SLC25A46: variants seen among roughly 807,000 people sequenced by gnomAD.
SLC25A46 encodes mitochondrial outer membrane protein SLC25A46.
In SLC25A46, 39 loss-of-function variants were observed where a neutral mutation model predicts 44.6. The ratio of observed to expected loss-of-function variants is 0.87; its 90% CI spans 0.68 to 1.14. The LOEUF is 1.14. Among genes scored for constraint, SLC25A46 ranks in the 50% most tolerant of loss-of-function variants. The pLI, the probability that SLC25A46 is intolerant of heterozygous loss-of-function variation, is 0.00. For synonymous variants in SLC25A46, 202 were observed against 185.8 expected (o/e 1.09, Z -0.71); for missense variants, 547 against 522.7 (o/e 1.05, Z -0.45).
intron 5 of SLC25A46, chr5:110,754,074 T>A (rs1800040845): frequency 6.6e-6 from 1 of 152,176 alleles, no homozygotes; most frequent in African/African-American, 2.4e-5. Flanking sequence ...CTAATAGTAA[T>A]TTAATCAGAG....
At chr5:110,751,706 T>C (rs571701077) in intron 5 of SLC25A46, among the ~76,000 whole-genome samples, 13 of 152,266 alleles carry the variant, frequency 8.5e-5, no homozygotes, top group Non-Finnish European at 1.8e-4. Context: ...TAAGAAAAGA[T>C]AGTGGCTAAG....
intron 1 of SLC25A46, among the ~76,000 whole-genome samples, chr5:110,740,756 C>T (rs1799656005): frequency 6.6e-6 from 1 of 151,978 alleles, no homozygotes; most frequent in Non-Finnish European, 1.5e-5. Flanking sequence ...TCGAGACCAT[C>T]CTGGCTAACA....
chr5:110,746,232 A>T (rs1799814678), intron 3 of SLC25A46, 37 bp from the exon 4 acceptor site: 9 of 1,457,222 alleles, frequency 6.2e-6, no homozygotes, highest in Middle Eastern at 3.5e-4. Context: ...TTGACAAAAC[A>T]TTAACAGAAA....
chr5:110,751,291 G>T (rs993155374), intron 5 of SLC25A46, among the ~76,000 whole-genome samples: 1 of 152,166 alleles, frequency 6.6e-6, no homozygotes, highest in African/African-American at 2.4e-5. Context: ...ATTGCAAATT[G>T]AAATTTGTTT....
rs1290028638 is a variant in SLC25A46, at chr5:110,755,476, A to G, written c.575A>G (p.His192Arg). ...EFTPLPREVLHKWSPKQIGEH... is the reference protein window; with the variant it reads ...EFTPLPREVLRKWSPKQIGEH... The stretch of plus-strand genomic sequence containing the variant: ...TTTTTATGTTTTAGGGAGGTTTTAC[A>G]TAAATGGAGTCCTAAACAAATAGGA... The change falls in exon 6 of 8, where the codon CAT becomes CGT. Residue 192 changes from histidine (H) to arginine (R), a missense_variant. His to Arg is a conservative substitution (Grantham distance 29). Coordinates refer to ENST00000355943, the MANE Select transcript of SLC25A46 (RefSeq NM_138773.4). 1 of 1,572,370 alleles carries G rather than the reference A, an allele frequency of 6.4e-7. No individual in the cohort carries two copies. Among genetic ancestry groups the G allele is most frequent in the Non-Finnish European group, 8.6e-7 (1 of 1,158,678 alleles).
At position 110,739,845 on chromosome 5, in the gene SLC25A46, C is replaced by T. The variant is rs553544286; in HGVS notation, c.283+443C>T. On this transcript the variant is annotated intron_variant, in intron 1 of 7. Coordinates refer to ENST00000355943, the MANE Select transcript of SLC25A46 (RefSeq NM_138773.4). ...TGGGTTCAAACTTGGTTGTGCCACT[C>T]GTAATCTGAACAACTTAACCTCTGT... 2.6e-5 allele frequency among the ~76,000 whole-genome samples: 4 copies of T among 152,178 alleles called. 1 individual carries two copies. The South Asian group carries it at 6.2e-4, about 24-fold the overall frequency.
At chr5:110,753,031 G>C (rs1800007474) in intron 5 of SLC25A46, among the ~76,000 whole-genome samples, 1 of 152,150 alleles carries the variant, frequency 6.6e-6, no homozygotes, top group African/African-American at 2.4e-5. Context: ...GAGCACAGGG[G>C]CAAAGAGTGC....
chr5:110,739,025 G>C lies in SLC25A46; in HGVS notation c.-95G>C. The stretch of plus-strand genomic sequence containing the variant: ...GGTTGTCAGAATTTACCCCTGACGC[G>C]GCGGCGGCCGACGGGAAGCTGTGTG... On this transcript the variant is annotated 5_prime_UTR_variant, in exon 1 of 8. Coordinates refer to ENST00000355943, the MANE Select transcript of SLC25A46 (RefSeq NM_138773.4). 6.7e-7 allele frequency: 1 copy of C among 1,487,398 alleles called. No homozygotes were observed. Among genetic ancestry groups the C allele is most frequent in the Non-Finnish European group, 8.9e-7 (1 of 1,127,642 alleles). 92.1% of individuals were successfully genotyped at this position (1,487,398 alleles called of 1,614,324 possible). A position where few individuals can be genotyped will look rare whatever the true frequency, so the allele number is the denominator to read the frequency against.
chr5:110,738,876 C>T, upstream of SLC25A46: 1 of 940,200 alleles, frequency 1.1e-6, no homozygotes, highest in Non-Finnish European at 1.5e-6. Flanking sequence ...TATTCCCTAA[C>T]GACAACAAAC....
chr5:110,738,259 C>T (rs1217379670), upstream of SLC25A46: 3 of 1,285,738 alleles, frequency 2.3e-6, no homozygotes, highest in African/African-American at 1.5e-5. Context: ...TAGTAGGGGA[C>T]GCTCTACAGT....
chr5:110,739,305 G>T lies in SLC25A46; in HGVS notation c.186G>T (p.Pro62=), dbSNP rs554993391. The T allele has an allele frequency of 1.9e-6, 3 of 1,570,962 alleles. No homozygotes were observed. In the African/African-American group the frequency reaches 4.0e-5, roughly 21 times the overall value. Residue 62 remains proline, a synonymous_variant, in exon 1 of 8, where the codon CCG becomes CCT. Transcript: ENST00000355943. ...SRNLHWGEKS[P]PYGVPTTSTP... is the part of the protein sequence containing the mutation. ...ACCTGCACTGGGGCGAGAAGAGCCCGCCCTACGGCGTGCCCACCACCTCCA... is the reference window on the plus strand; with the variant it reads ...ACCTGCACTGGGGCGAGAAGAGCCCTCCCTACGGCGTGCCCACCACCTCCA...
chr5:110,750,462 G>C (rs1340833981), intron 5 of SLC25A46, among the ~76,000 whole-genome samples: 1 of 152,052 alleles, frequency 6.6e-6, no homozygotes, highest in African/African-American at 2.4e-5. Flanking sequence ...ATATCTGTAG[G>C]GGATTGATTC....
intron 7 of SLC25A46, among the ~76,000 whole-genome samples, chr5:110,757,446 C>T (rs1240042200): frequency 6.6e-6 from 1 of 152,064 alleles, no homozygotes; most frequent in African/African-American, 2.4e-5. Context: ...CTTCTATTTC[C>T]ACATCAGATC....
At chr5:110,740,037 T>C (rs1799606895) in intron 1 of SLC25A46, among the ~76,000 whole-genome samples, 1 of 152,204 alleles carries the variant, frequency 6.6e-6, no homozygotes. Flanking sequence ...CCTTTCTGCT[T>C]TCCTTCTGCT....
At position 110,762,474 on chromosome 5, in the gene SLC25A46, G is replaced by C. The variant is rs960330498; in HGVS notation, c.*692G>C. 2.0e-5 allele frequency: 3 copies of C among 151,522 alleles called. No homozygotes were observed. The highest frequency in any genetic ancestry group is 3.9e-4 in the East Asian group (2 of 5,146). The allele number at this position is 151,522 out of a possible 1,614,324, so 9.4% of individuals were successfully genotyped here. On this transcript the variant is annotated 3_prime_UTR_variant, in exon 8 of 8. Transcript: ENST00000355943. ...AAACAAAGTCACGCGCTTTCTGCTT[G>C]AACATCAAAATATCAAAAACCAAGG...
chr5:110,754,159 G>A (rs984067835), intron 5 of SLC25A46: 7 of 151,966 alleles, frequency 4.6e-5, no homozygotes, highest in African/African-American at 1.4e-4. Flanking sequence ...TCTGATGTAT[G>A]TATATGCTGT....
Position 110,746,310 on chromosome 5 carries a change from A to T in SLC25A46, c.426A>T (p.Thr142=), listed in dbSNP as rs758691521. The T allele has an allele frequency of 3.1e-6, 5 of 1,593,202 alleles. No individual in the cohort carries two copies. The highest frequency in any genetic ancestry group is 4.3e-6 in the Non-Finnish European group (5 of 1,173,150). The change falls in exon 4 of 8, where the codon ACA becomes ACT. Residue 142 remains threonine (T), a synonymous_variant. Transcript: ENST00000355943. ...AGCATTACCATCTCACTCCATTTAC[A>T]GTCATCAATATTATGTACAGTTTCA... ...HAQHYHLTPF[T]VINIMYSFNK...
chr5:110,753,882 TG>T lies in SLC25A46; in HGVS notation c.564-1582del, dbSNP rs1429918060. 23 of 152,276 alleles carry T rather than the reference TG, an allele frequency of 1.5e-4. 1 individual carries two copies. Among genetic ancestry groups the T allele is most frequent in the Middle Eastern group, 3.4e-3 (1 of 294 alleles). 9.4% of individuals were successfully genotyped at this position (152,276 alleles called of 1,614,324 possible). A position where few individuals can be genotyped will look rare whatever the true frequency, so the allele number is the denominator to read the frequency against. On this transcript the variant is annotated intron_variant, in intron 5 of 7. Coordinates refer to ENST00000355943, the MANE Select transcript of SLC25A46 (RefSeq NM_138773.4). Reference sequence around the variant, plus strand: ...GTCGTCATAAACTGTGGTAATACTTTGTGAGGCCATGAGTATTAGCTGTGCC... The same window carrying T: ...GTCGTCATAAACTGTGGTAATACTTTTGAGGCCATGAGTATTAGCTGTGCC...
chr5:110,760,606 G>A (rs190420313), intron 7 of SLC25A46, among the ~76,000 whole-genome samples: 89 of 152,070 alleles, frequency 5.9e-4, no homozygotes, highest in African/African-American at 2.0e-3. Flanking sequence ...TCTATACCTC[G>A]GTAATCCACA....
Sources: gnomAD v4.1 joint callset for allele counts (sites outside exome capture counted in the v4.1 genomes callset) on GRCh38, gnomAD v4.1.1 for gene constraint, MANE v1.5 for transcripts, NCBI Gene and HGNC (gene_info 2026-07-23, HGNC 2026-07-21) for gene names.